NTNG2: variants seen among roughly 807,000 people sequenced by gnomAD.
NTNG2 encodes netrin G2, also known as netrin-G2.
Under a neutral mutation model 47.6 loss-of-function variants are expected in NTNG2, and 15 were observed. The ratio of observed to expected loss-of-function variants is 0.32; its 90% CI spans 0.21 to 0.49. The LOEUF (loss-of-function observed/expected upper bound fraction) is 0.49. Ranked by LOEUF, NTNG2 falls within the 20% of genes least tolerant of loss-of-function variation. The pLI is 0.99. For missense variants in NTNG2, 578 were observed against 764.6 expected, an observed-to-expected ratio of 0.76 and a Z score of 2.88; for synonymous variants, 307 against 324.6, an observed-to-expected ratio of 0.95 and a Z score of 0.58.
At chr9:132,164,280 A>G (rs1359205270) in intron 1 of NTNG2, among the ~76,000 whole-genome samples, 1 of 152,152 alleles carries the variant, frequency 6.6e-6, no homozygotes, top group Non-Finnish European at 1.5e-5. Context: ...TGCAATTAAT[A>G]GATTTGCGAG....
chr9:132,187,956 G>T (rs1353379896), intron 2 of NTNG2, among the ~76,000 whole-genome samples: 1 of 152,216 alleles, frequency 6.6e-6, no homozygotes, highest in African/African-American at 2.4e-5. Flanking sequence ...GCACAGATAG[G>T]GCAAGGCCCT....
At position 132,234,544 on chromosome 9, in the gene NTNG2, G is replaced by C. The variant is rs543430968; in HGVS notation, c.1054+3949G>C. Among the ~76,000 whole-genome samples the C allele has an allele frequency of 2.6e-5, 4 of 152,338 alleles. No individual in the cohort carries two copies. The East Asian group carries it at 7.7e-4, about 29-fold the overall frequency. On this transcript the variant is annotated intron_variant, in intron 5 of 7. Coordinates refer to ENST00000393229, the MANE Select transcript of NTNG2 (RefSeq NM_032536.4). Reference sequence around the variant, plus strand: ...AATACCCCCGAGTGCCTCCCAACAGGTGCTTCGGGCTCTTTGAACAGAGTC... The same window carrying C: ...AATACCCCCGAGTGCCTCCCAACAGCTGCTTCGGGCTCTTTGAACAGAGTC...
Position 132,215,903 on chromosome 9 carries a change from A to C in NTNG2, c.858-10946A>C, listed in dbSNP as rs1204532341. Among the ~76,000 whole-genome samples, 1 of 152,112 alleles carries C rather than the reference A, an allele frequency of 6.6e-6. No homozygotes were observed. The highest frequency in any genetic ancestry group is 2.4e-5 in the African/African-American group (1 of 41,408). On this transcript the variant is annotated intron_variant, in intron 3 of 7. Coordinates refer to ENST00000393229, the MANE Select transcript of NTNG2 (RefSeq NM_032536.4). This position sits in a 1 kb window ranked among gnomAD's most constrained non-coding sequence, Gnocchi z 4.2. ...TGTTGACAATAGCAACAATAATAAT[A>C]GCTGACGTTTCCGGAGGGCATGCTC...
In NTNG2 at chr9:132,208,879, G is replaced by A. The variant is rs998232842; in HGVS notation, c.857+10270G>A. On this transcript the variant is annotated intron_variant, in intron 3 of 7. Coordinates refer to ENST00000393229, the MANE Select transcript of NTNG2 (RefSeq NM_032536.4). This position sits in a 1 kb window ranked among gnomAD's most constrained non-coding sequence, Gnocchi z 4.0. Reference sequence around the variant, plus strand: ...CCGTCTCTCCAAGAACTCCCGTCCCGAGACCCCTGGAAGCCCCCATCCTGC... The same window carrying A: ...CCGTCTCTCCAAGAACTCCCGTCCCAAGACCCCTGGAAGCCCCCATCCTGC... 2.6e-5 allele frequency among the ~76,000 whole-genome samples: 4 copies of A among 151,656 alleles called. No individual in the cohort carries two copies. The highest frequency in any genetic ancestry group is 2.1e-4 in the South Asian group (1 of 4,824).
chr9:132,203,545 T>A (rs1838945538), intron 3 of NTNG2, among the ~76,000 whole-genome samples: 1 of 152,148 alleles, frequency 6.6e-6, no homozygotes, highest in African/African-American at 2.4e-5. Context: ...AGTATCTATG[T>A]AAAGTCTCTT....
intron 2 of NTNG2, among the ~76,000 whole-genome samples, chr9:132,187,906 C>T (rs1359325312): frequency 4.6e-5 from 7 of 152,232 alleles, no homozygotes; most frequent in Non-Finnish European, 1.0e-4. Flanking sequence ...AGGCGGACAG[C>T]CCACTCCTGC....
chr9:132,187,006 G>A (rs1239257865), intron 2 of NTNG2, among the ~76,000 whole-genome samples: 1 of 152,262 alleles, frequency 6.6e-6, no homozygotes, highest in Non-Finnish European at 1.5e-5. Flanking sequence ...CAAATAATGC[G>A]GGGTGAGGGG....
chr9:132,198,376 G>A lies in NTNG2; in HGVS notation c.624G>A (p.Glu208=), dbSNP rs780669290. 1 of 1,613,014 alleles carries A rather than the reference G, an allele frequency of 6.2e-7. No individual in the cohort carries two copies. The highest frequency in any genetic ancestry group is 2.2e-5 in the East Asian group (1 of 44,880). Residue 208 remains glutamate, a synonymous_variant, in exon 3 of 8, where the codon GAG becomes GAA. Coordinates refer to ENST00000393229, the MANE Select transcript of NTNG2 (RefSeq NM_032536.4). ...EYSRWAGSKK[E]KHVRFEVRDR... ...CGCGCTGGGCAGGCTCCAAGAAGGA[G>A]AAGCACGTGCGCTTCGAGGTGCGGG...
intron 3 of NTNG2, among the ~76,000 whole-genome samples, chr9:132,205,021 G>A (rs1589458768): frequency 6.6e-6 from 1 of 152,186 alleles, no homozygotes; most frequent in East Asian, 1.9e-4. Context: ...ATGCATTGCT[G>A]GTGGGAACAA....
Position 132,240,910 on chromosome 9 carries a change from A to G in NTNG2, c.1223A>G (p.Glu408Gly). 1.9e-6 allele frequency: 3 copies of G among 1,612,852 alleles called. No homozygotes were observed. The highest frequency in any genetic ancestry group is 1.7e-6 in the Non-Finnish European group (2 of 1,179,824). ...CGCGCCCGTGCCCGTGTCCGTCCAG[A>G]GTGTAACTGCAACCAGATAGGCTCC... is the stretch of plus-strand genomic sequence containing the variant. The part of the protein sequence containing the change: ...AELDDENVCI[E>G]CNCNQIGSVH... Residue 408 changes from glutamate (E) to glycine (G), a missense_variant and splice_region_variant, in exon 7 of 8, where the codon GAG (glutamate) becomes GGG (glycine). Coordinates refer to ENST00000393229, the MANE Select transcript of NTNG2 (RefSeq NM_032536.4).
intron 3 of NTNG2, among the ~76,000 whole-genome samples, chr9:132,220,733 C>A (rs1840297908): frequency 6.6e-6 from 1 of 152,144 alleles, no homozygotes; most frequent in South Asian, 2.1e-4. Context: ...CAGGCGTGAG[C>A]CACCGCACCT....
intron 5 of NTNG2, 100 bp downstream of exon 5, chr9:132,230,695 C>A: frequency 7.8e-7 from 1 of 1,289,858 alleles, no homozygotes; most frequent in Non-Finnish European, 1.1e-6. Context: ...TTCAGTGTCC[C>A]CTCTGGGACT....
chr9:132,175,490 C>G (rs1836358864), intron 2 of NTNG2, among the ~76,000 whole-genome samples: 1 of 152,174 alleles, frequency 6.6e-6, no homozygotes, highest in South Asian at 2.1e-4. Flanking sequence ...GCTGACCTGG[C>G]CAGAGTCCCT....
chr9:132,206,906 C>T (rs1839208396), intron 3 of NTNG2, among the ~76,000 whole-genome samples: 1 of 152,204 alleles, frequency 6.6e-6, no homozygotes, highest in Admixed American at 6.5e-5. Flanking sequence ...GTGGTGGGGT[C>T]CACTGCCAAG....
rs1479019860 is a variant in NTNG2 at position 132,197,195 on chromosome 9, C to T, written c.214-771C>T. The stretch of plus-strand genomic sequence containing the variant: ...AACGGAGGTCAGAGTTCGAGACCAG[C>T]CTGGCCAACATGGCGAAACCCTGTC... On this transcript the variant is annotated intron_variant, in intron 2 of 7. Transcript: ENST00000393229. This position sits in a 1 kb window ranked among gnomAD's most constrained non-coding sequence, Gnocchi z 4.3. Among the ~76,000 whole-genome samples the T allele has an allele frequency of 6.6e-6, 1 of 152,144 alleles. No individual in the cohort carries two copies. The highest frequency in any genetic ancestry group is 1.5e-5 in the Non-Finnish European group (1 of 68,036).
chr9:132,208,733 CTTAAT>C lies in NTNG2; in HGVS notation c.857+10127_857+10131del, dbSNP rs1839361266. 6.6e-6 allele frequency among the ~76,000 whole-genome samples: 1 copy of C among 151,812 alleles called. No homozygotes were observed. The highest frequency in any genetic ancestry group is 2.1e-4 in the South Asian group (1 of 4,810). ...CTGGAGGGGAATTTTTTTTTTATTT[CTTAAT>C]TTTTTATTTTTATATTTTCATACAG... On this transcript the variant is annotated intron_variant, in intron 3 of 7. Transcript: ENST00000393229. This position sits in a 1 kb window ranked among gnomAD's most constrained non-coding sequence, Gnocchi z 4.0.
In NTNG2 at chr9:132,231,225, G is replaced by A. The variant is rs1241926490; in HGVS notation, c.1054+630G>A. On this transcript the variant is annotated intron_variant, in intron 5 of 7. Transcript: ENST00000393229. This position sits in a 1 kb window ranked among gnomAD's most constrained non-coding sequence, Gnocchi z 4.1. The stretch of plus-strand genomic sequence containing the variant: ...GGCGAGGGCGACATGGCGCCCACAG[G>A]TTATCAGTAAATGTCATCGAGACTG... The A allele has an allele frequency of 4.5e-6, 2 of 443,602 alleles. No homozygotes were observed. Among genetic ancestry groups the A allele is most frequent in the Non-Finnish European group, 9.1e-6 (2 of 220,778 alleles). The allele number at this position is 443,602 out of a possible 1,614,324, so 27.5% of individuals were successfully genotyped here. A position where few individuals can be genotyped will look rare whatever the true frequency, so the allele number is the denominator to read the frequency against.
Position 132,182,563 on chromosome 9 carries a change from T to C in NTNG2, c.214-15403T>C, listed in dbSNP as rs1837027127. 6.6e-6 allele frequency among the ~76,000 whole-genome samples: 1 copy of C among 152,188 alleles called. No individual in the cohort carries two copies. Among genetic ancestry groups the C allele is most frequent in the Admixed American group, 6.5e-5 (1 of 15,290 alleles). On this transcript the variant is annotated intron_variant, in intron 2 of 7. Transcript: ENST00000393229. This position sits in a 1 kb window ranked among gnomAD's most constrained non-coding sequence, Gnocchi z 4.2. Reference sequence around the variant, plus strand: ...GGTCCTGGAGGCAGCAGCCACGACCTTGGGTGGACGCTGCGCCTCATCAGC... The same window carrying C: ...GGTCCTGGAGGCAGCAGCCACGACCCTGGGTGGACGCTGCGCCTCATCAGC...
At chr9:132,191,658 A>G (rs1490701167) in intron 2 of NTNG2, among the ~76,000 whole-genome samples, 2 of 151,076 alleles carry the variant, frequency 1.3e-5, no homozygotes, top group Non-Finnish European at 2.9e-5. Flanking sequence ...TGCAAGCTCC[A>G]CCTCCTGGGT....
Sources: gnomAD v4.1 joint callset for allele counts (sites outside exome capture counted in the v4.1 genomes callset) on GRCh38, gnomAD v4.1.1 for gene constraint, Gnocchi (gnomAD v3.1) non-coding constraint, MANE v1.5 for transcripts, NCBI Gene and HGNC (gene_info 2026-07-23, HGNC 2026-07-21) for gene names.